Variants in GOLGA1 observed in about 807,000 individuals in gnomAD.
GOLGA1 encodes the protein golgin A1.
GOLGA1 carries 63 observed loss-of-function variants against 119.7 expected under a neutral mutation model. That is an observed-to-expected ratio of 0.53 (90% CI 0.43 to 0.65). The LOEUF is 0.65. GOLGA1 is among the 30% of genes least tolerant of loss of function. The pLI is 0.00. For missense variants in GOLGA1, 798 were observed against 912.8 expected, an observed-to-expected ratio of 0.87 and a Z score of 1.62; for synonymous variants, 318 against 333.4, an observed-to-expected ratio of 0.95 and a Z score of 0.50.
chr9:124,922,858 TAAAAA>T (rs1376254546), intron 8 of GOLGA1, among the ~76,000 whole-genome samples: 3 of 151,374 alleles, frequency 2.0e-5, no homozygotes, highest in Admixed American at 6.6e-5. Flanking sequence ...ACCCAGTAGT[TAAAAA>T]CAAAACAAAA....
At chr9:124,917,859 A>AT (rs1333564299) in intron 10 of GOLGA1, among the ~76,000 whole-genome samples, 256 of 149,760 alleles carry the variant, frequency 1.7e-3, no homozygotes, top group African/African-American at 5.9e-3. Context: ...ATATATATAT[A>AT]TTTTTTTTTT....
rs1025980073 is a variant in GOLGA1 at position 124,946,289 on chromosome 9, G to A, written c.-156+1629C>T. The A allele has an allele frequency of 6.6e-6, 1 of 152,100 alleles. No individual in the cohort carries two copies. Among genetic ancestry groups the A allele is most frequent in the Non-Finnish European group, 1.5e-5 (1 of 68,022 alleles). 9.4% of individuals were successfully genotyped at this position (152,100 alleles called of 1,614,324 possible). ...TTAATATTTATTCAAGAAAAATGCT[G>A]TTATAATTATTTCTGAATTTAATAC... is the stretch of plus-strand genomic sequence containing the variant. On this transcript the variant is annotated intron_variant, in intron 1 of 4. Transcript: ENST00000421514. The surrounding 1 kb of genome is among the most constrained non-coding windows in gnomAD (Gnocchi z 4.0).
At chr9:124,943,230 T>C (rs913946804), upstream of GOLGA1, 9 of 152,190 alleles carry the variant, frequency 5.9e-5, no homozygotes, top group Non-Finnish European at 1.2e-4. Context: ...CCCTTAGTCA[T>C]TGGTAGTAAA....
rs1433677950 is a variant in GOLGA1 at position 124,888,652 on chromosome 9, C to T, written c.1762-256G>A. Among the ~76,000 whole-genome samples, 2 of 152,170 alleles carry T rather than the reference C, an allele frequency of 1.3e-5. No homozygotes were observed. Among genetic ancestry groups the T allele is most frequent in the African/African-American group, 2.4e-5 (1 of 41,434 alleles). On this transcript the variant is annotated intron_variant, in intron 18 of 22. Transcript: ENST00000373555. The surrounding 1 kb of genome is among the most constrained non-coding windows in gnomAD (Gnocchi z 4.4). ...GGGGTGCCATCTGTGATGGGCTCTT[C>T]AGGACTCATGGCCTCCTAGCCATAT...
At chr9:124,943,209 G>A (rs1428425983), upstream of GOLGA1, 2 of 152,172 alleles carry the variant, frequency 1.3e-5, no homozygotes, top group Admixed American at 1.3e-4. Context: ...GATAGTGACA[G>A]TATAATTTTC....
intron 10 of GOLGA1, among the ~76,000 whole-genome samples, chr9:124,920,390 T>G (rs1405479971): frequency 6.6e-6 from 1 of 152,082 alleles, no homozygotes; most frequent in Admixed American, 6.5e-5. Context: ...TGAGTCACTG[T>G]GCTGGGCCTG....
intron 7 of GOLGA1, among the ~76,000 whole-genome samples, chr9:124,924,702 T>A (rs1270086001): frequency 1.3e-5 from 2 of 150,528 alleles, no homozygotes; most frequent in African/African-American, 4.9e-5. Flanking sequence ...TGTTACAGTT[T>A]CTAACTCTTG....
intron 19 of GOLGA1, among the ~76,000 whole-genome samples, chr9:124,886,969 G>A (rs1442195792): frequency 6.6e-6 from 1 of 152,190 alleles, no homozygotes; most frequent in Non-Finnish European, 1.5e-5. Flanking sequence ...TGAATGCCCA[G>A]GTGATGGCAC....
At chr9:124,944,720 A>T (rs1028429763), upstream of GOLGA1, 2 of 151,966 alleles carry the variant, frequency 1.3e-5, no homozygotes, top group Non-Finnish European at 2.9e-5. Context: ...GTTTGGAAGT[A>T]TTTACTTTTG....
At chr9:124,924,167 G>A (rs1307033335) in intron 7 of GOLGA1, among the ~76,000 whole-genome samples, 1 of 152,040 alleles carries the variant, frequency 6.6e-6, no homozygotes, top group African/African-American at 2.4e-5. Flanking sequence ...TATTTTACAT[G>A]TCTATTCTTA....
At chr9:124,921,363 A>G in intron 9 of GOLGA1, 123 bp from the exon 10 acceptor site, 2 of 684,998 alleles carry the variant, frequency 2.9e-6, no homozygotes, top group Non-Finnish European at 5.2e-6. Context: ...AGCCACATGC[A>G]GGTTTTCAAC....
At chr9:124,909,843 C>T (rs1421408932) in intron 11 of GOLGA1, among the ~76,000 whole-genome samples, 3 of 152,162 alleles carry the variant, frequency 2.0e-5, no homozygotes, top group Admixed American at 6.5e-5. Flanking sequence ...TGGCTCACTG[C>T]AACCTCCGCC....
intron 15 of GOLGA1, among the ~76,000 whole-genome samples, chr9:124,895,870 A>G (rs1401282356): frequency 6.8e-6 from 1 of 146,464 alleles, no homozygotes; most frequent in African/African-American, 2.7e-5. Context: ...CCTCCACAAC[A>G]GAGACCCACC....
At chr9:124,898,764 G>T in intron 14 of GOLGA1, 120 bp from the exon 15 acceptor site, 1 of 645,794 alleles carries the variant, frequency 1.5e-6, no homozygotes. Context: ...AAAGCCAATG[G>T]GAAGAAGCAG....
chr9:124,890,076 G>A (rs1307584340), intron 16 of GOLGA1, among the ~76,000 whole-genome samples: 1 of 152,144 alleles, frequency 6.6e-6, no homozygotes, highest in Admixed American at 6.5e-5. Flanking sequence ...TGGCCTCTGG[G>A]GCAGGTGGGC....
chr9:124,887,984 T>C (rs960554090), intron 19 of GOLGA1, among the ~76,000 whole-genome samples: 5 of 152,178 alleles, frequency 3.3e-5, no homozygotes, highest in African/African-American at 1.2e-4. Flanking sequence ...ACAGCAGAGC[T>C]GGCAGGGAAC....
intron 10 of GOLGA1, among the ~76,000 whole-genome samples, chr9:124,920,886 A>G (rs1830554046): frequency 1.3e-5 from 2 of 150,884 alleles, no homozygotes; most frequent in South Asian, 4.2e-4. Flanking sequence ...GACATATTTG[A>G]GTCGACCAAA....
At chr9:124,890,664 C>G (rs1010775294) in intron 15 of GOLGA1, among the ~76,000 whole-genome samples, 186 bp from the exon 16 acceptor site, 7 of 152,102 alleles carry the variant, frequency 4.6e-5, no homozygotes, top group Non-Finnish European at 1.0e-4. Context: ...GCTATCCTGG[C>G]AGGCAACCCA....
intron 10 of GOLGA1, among the ~76,000 whole-genome samples, chr9:124,913,112 C>A (rs953908931): frequency 2.0e-5 from 3 of 152,042 alleles, no homozygotes; most frequent in African/African-American, 4.8e-5. Flanking sequence ...ATAGAGCAAG[C>A]GAGCGAGGGG....
Sources: gnomAD v4.1 joint callset for allele counts (sites outside exome capture counted in the v4.1 genomes callset) on GRCh38, gnomAD v4.1.1 for gene constraint, Gnocchi (gnomAD v3.1) non-coding constraint, MANE v1.5 for transcripts, NCBI Gene and HGNC (gene_info 2026-07-23, HGNC 2026-07-21) for gene names.